ISM2: variants seen among roughly 807,000 people sequenced by gnomAD.
The protein encoded by ISM2 is isthmin 2.
ISM2 carries 50 observed loss-of-function variants against 58.0 expected under a neutral mutation model. The ratio of observed to expected loss-of-function variants is 0.86; its 90% confidence interval spans 0.69 to 1.09. The LOEUF (loss-of-function observed/expected upper bound fraction) is 1.09. ISM2 is among the 50% of genes least tolerant of loss of function. The pLI is 0.00. For synonymous variants in ISM2, 303 were observed against 312.4 expected (o/e 0.97, Z 0.32); for missense variants, 723 against 745.0 (o/e 0.97, Z 0.34).
intron 1 of ISM2, among the ~76,000 whole-genome samples, chr14:77,496,168 T>C (rs1372090888): frequency 6.8e-6 from 1 of 146,126 alleles, no homozygotes; most frequent in Non-Finnish European, 1.5e-5. Context: ...TGAGCCGAGA[T>C]TGAGCAAGAC....
chr14:77,494,057 G>A (rs930160795), intron 1 of ISM2, among the ~76,000 whole-genome samples: 6 of 152,098 alleles, frequency 3.9e-5, no homozygotes, highest in Non-Finnish European at 4.4e-5. Flanking sequence ...GATTACAGGC[G>A]TGAGCCACCG....
At chr14:77,484,606 TTA>T in intron 2 of ISM2, 41 bp from the exon 3 acceptor site, 1 of 1,605,802 alleles carries the variant, frequency 6.2e-7, no homozygotes, top group Non-Finnish European at 8.5e-7. Context: ...AGGTTAGGGC[TTA>T]CCCAACAGGG....
At chr14:77,498,229 C>G in intron 1 of ISM2, 1 of 1,288,218 alleles carries the variant, frequency 7.8e-7, no homozygotes, top group Non-Finnish European at 1.0e-6. Flanking sequence ...CTCACCTGAC[C>G]GTTTGAACCT....
At chr14:77,495,345 A>G (rs1472434877) in intron 1 of ISM2, among the ~76,000 whole-genome samples, 1 of 152,218 alleles carries the variant, frequency 6.6e-6, no homozygotes, top group Non-Finnish European at 1.5e-5. Context: ...CAGGCTTTGT[A>G]CGGGAGCTGA....
At chr14:77,478,200 C>G in intron 6 of ISM2, 42 bp downstream of exon 6, 1 of 1,544,592 alleles carries the variant, frequency 6.5e-7, no homozygotes, top group Non-Finnish European at 8.9e-7. Context: ...CCTGAGAGCT[C>G]GTTCCCCAAA....
intron 5 of ISM2, 105 bp downstream of exon 5, chr14:77,478,470 G>T: frequency 6.8e-7 from 1 of 1,480,624 alleles, no homozygotes; most frequent in Non-Finnish European, 9.3e-7. Flanking sequence ...ATGTTTTTGA[G>T]CTTCCTGCAT....
intron 1 of ISM2, among the ~76,000 whole-genome samples, chr14:77,485,604 A>C (rs916353364): frequency 2.0e-5 from 3 of 152,032 alleles, no homozygotes; most frequent in Non-Finnish European, 4.4e-5. Flanking sequence ...GTCATCTCTG[A>C]CTCCTGTTCA....
In ISM2 at chr14:77,478,586, G is replaced by T. The variant is rs2079112557; in HGVS notation, c.1103C>A (p.Pro368His). The T allele has an allele frequency of 6.2e-7, 1 of 1,612,974 alleles. No individual in the cohort carries two copies. Among genetic ancestry groups the T allele is most frequent in the South Asian group, 1.1e-5 (1 of 91,052 alleles). The change falls in exon 5 of 7, where the codon CCC (proline) becomes CAC (histidine). Residue 368 changes from proline to histidine, a missense_variant. Coordinates refer to ENST00000342219, the MANE Select transcript of ISM2 (RefSeq NM_199296.3). ...GGGGCTCATCTCACCAGGACAGGAGGGCAGGTCACAGGTACGGGTCTCGGT... is the reference window on the plus strand; with the variant it reads ...GGGGCTCATCTCACCAGGACAGGAGTGCAGGTCACAGGTACGGGTCTCGGT... ...TATETRTCDL[P>H]SCPGTEDKDT...
chr14:77,486,757 G>C (rs1342694781), intron 1 of ISM2, among the ~76,000 whole-genome samples: 1 of 152,028 alleles, frequency 6.6e-6, no homozygotes, highest in Non-Finnish European at 1.5e-5. Context: ...AGGTGGTACA[G>C]TGGTTATGCA....
chr14:77,484,347 C>T lies in ISM2; in HGVS notation c.603G>A (p.Leu201=). ...QKLPELVHAT[L]STPNPDNQVT... ...CCTGGTTATCAGGGTTAGGGGTACT[C>T]AAGGTTGCGTGGACCAATTCTGGCA... Residue 201 remains leucine (L), a synonymous_variant, in exon 3 of 7, where the codon TTG becomes TTA. Coordinates refer to ENST00000342219, the MANE Select transcript of ISM2 (RefSeq NM_199296.3). The T allele has an allele frequency of 1.2e-6, 2 of 1,611,762 alleles. No individual in the cohort carries two copies. The highest frequency in any genetic ancestry group is 1.7e-6 in the Non-Finnish European group (2 of 1,178,722).
In ISM2 at chr14:77,484,736, G is replaced by A; in HGVS notation, c.325C>T (p.Leu109=). ...TPEVTPLRLE[L]QKLPGLANTT... is the part of the protein sequence containing the mutation. ...TTGGCCAATCCCGGCAGCTTCTGCA[G>A]CTCCAGCCGCAACGGAGTAACCTCT... is the stretch of plus-strand genomic sequence containing the variant. The change falls in exon 2 of 7, where the codon CTG becomes TTG. Residue 109 remains leucine, a synonymous_variant. Coordinates refer to ENST00000342219, the MANE Select transcript of ISM2 (RefSeq NM_199296.3). 1 of 1,612,954 alleles carries A rather than the reference G, an allele frequency of 6.2e-7. No individual in the cohort carries two copies. Among genetic ancestry groups the A allele is most frequent in the Non-Finnish European group, 8.5e-7 (1 of 1,179,806 alleles).
chr14:77,485,060 T>A (rs749515910), intron 1 of ISM2, 141 bp from the exon 2 acceptor site: 1 of 870,558 alleles, frequency 1.1e-6, no homozygotes, highest in African/African-American at 1.7e-5. Flanking sequence ...CTCTCTGGAG[T>A]GTGTATCTGT....
chr14:77,485,523 C>T (rs1347265107), intron 1 of ISM2, among the ~76,000 whole-genome samples: 1 of 152,272 alleles, frequency 6.6e-6, no homozygotes, highest in Non-Finnish European at 1.5e-5. Context: ...CTGCCAACAG[C>T]CACTGGCCAT....
In ISM2 at chr14:77,478,458, C is replaced by T. The variant is rs935982488; in HGVS notation, c.1114+117G>A. 4 of 1,450,138 alleles carry T rather than the reference C, an allele frequency of 2.8e-6. No homozygotes were observed. The Admixed American group carries it at 7.5e-5, about 27-fold the overall frequency. The allele number at this position is 1,450,138 out of a possible 1,614,324, so 89.8% of individuals were successfully genotyped here. A position where few individuals can be genotyped will look rare whatever the true frequency, so the allele number is the denominator to read the frequency against. On this transcript the variant is annotated intron_variant, in intron 5 of 6. Transcript: ENST00000342219. The stretch of plus-strand genomic sequence containing the variant: ...ATAGGCCTGGGACAAGGCAGGACCA[C>T]CATGTTTTTGAGCTTCCTGCATCCC...
At position 77,478,618 on chromosome 14, in the gene ISM2, G is replaced by A; in HGVS notation, c.1071C>T (p.Cys357=). ...CACAGGTACGGGTCTCGGTGGCAGT[G>A]CAGCCATAGCCACAGGGCCGAGTCC... ...QQRTRPCGYG[C]TATETRTCDL... The change falls in exon 5 of 7, where the codon TGC becomes TGT. Residue 357 remains cysteine, a synonymous_variant. Coordinates refer to ENST00000342219, the MANE Select transcript of ISM2 (RefSeq NM_199296.3). 1 of 1,610,968 alleles carries A rather than the reference G, an allele frequency of 6.2e-7. No individual in the cohort carries two copies. Among genetic ancestry groups the A allele is most frequent in the Non-Finnish European group, 8.5e-7 (1 of 1,178,838 alleles).
In ISM2 at chr14:77,478,259, G is replaced by A. The variant is rs186804111; in HGVS notation, c.1181C>T (p.Thr394Met). The change falls in exon 6 of 7, where the codon ACG (threonine) becomes ATG (methionine). Residue 394 changes from threonine (T) to methionine (M), a missense_variant. Thr to Met is a moderately conservative substitution (Grantham distance 81, BLOSUM62 -1). Transcript: ENST00000342219. ...EEWKLLARNA[T>M]DMHDQDVDSC... is the part of the protein sequence containing the mutation. Reference sequence around the variant, plus strand: ...TCACTCACCTTGATCATGCATGTCCGTAGCATTGCGGGCCAGGAGCTTCCA... The same window carrying A: ...TCACTCACCTTGATCATGCATGTCCATAGCATTGCGGGCCAGGAGCTTCCA... 4.6e-5 allele frequency: 74 copies of A among 1,614,068 alleles called. No homozygotes were observed. The highest frequency in any genetic ancestry group is 4.2e-4 in the East Asian group (19 of 44,882).
intron 3 of ISM2, among the ~76,000 whole-genome samples, chr14:77,483,623 C>CGTGTGCGTGTGCGT (rs920989498): frequency 6.7e-6 from 1 of 149,464 alleles, no homozygotes; most frequent in Admixed American, 6.6e-5. Context: ...CAGTTTTTTG[C>CGTGTGCGTGTGCGT]GTGTGCGTGT....
Position 77,475,764 on chromosome 14 carries a change from T to G in ISM2, c.1547A>C (p.Asp516Ala). The change falls in exon 7 of 7, where the codon GAC becomes GCC. Residue 516 changes from aspartate to alanine, a missense_variant. Coordinates refer to ENST00000342219, the MANE Select transcript of ISM2 (RefSeq NM_199296.3). This position sits in a 1 kb window ranked among gnomAD's most constrained non-coding sequence, Gnocchi z 4.1. ...GAGMPNLIST[D>A]FSPKLHFKFD... is the part of the protein sequence containing the mutation. ...CTTGAAGTGCAGCTTAGGTGAGAAG[T>G]CGGTGCTGATGAGGTTGGGCATGCC... is the stretch of plus-strand genomic sequence containing the variant. The G allele has an allele frequency of 6.2e-7, 1 of 1,613,124 alleles. No individual in the cohort carries two copies. Among genetic ancestry groups the G allele is most frequent in the Non-Finnish European group, 8.5e-7 (1 of 1,179,766 alleles).
At position 77,475,627 on chromosome 14, in the gene ISM2, G is replaced by C. The variant is rs200233020; in HGVS notation, c.1684C>G (p.Leu562Val). The C allele has an allele frequency of 6.2e-7, 1 of 1,605,814 alleles. No individual in the cohort carries two copies. Among genetic ancestry groups the C allele is most frequent in the African/African-American group, 1.3e-5 (1 of 74,968 alleles). ...TCCTTGGCCTCCTGCAACTGTGCTA[G>C]GTACTCCTCCTCCAGGGGGTTGTCG... ...CTDNPLEEEY[L>V]AQLQEAKEY is the part of the protein sequence containing the mutation. Residue 562 changes from leucine (L) to valine (V), a missense_variant, in exon 7 of 7, where the codon CTA becomes GTA. Transcript: ENST00000342219. The surrounding 1 kb of genome is among the most constrained non-coding windows in gnomAD (Gnocchi z 4.1).
Sources: allele counts gnomAD v4.1 joint callset (sites outside exome capture counted in the v4.1 genomes callset), GRCh38; gene constraint gnomAD v4.1.1; non-coding constraint Gnocchi (gnomAD v3.1); transcripts MANE v1.5; gene names NCBI Gene and HGNC (gene_info 2026-07-23, HGNC 2026-07-21).